The following CDON variants were observed in gnomAD, a reference collection of about 807,000 sequenced individuals.
CDON encodes the protein cell adhesion associated, oncogene regulated, also known as cell adhesion molecule-related/down-regulated by oncogenes.
CDON carries 73 observed loss-of-function variants against 120.9 expected under a neutral mutation model. That is an observed-to-expected ratio of 0.60 (90% confidence interval 0.50 to 0.73). The LOEUF (loss-of-function observed/expected upper bound fraction) is 0.73, where lower values mean the gene tolerates loss of function less well. Among genes scored for constraint, CDON ranks in the 30% least tolerant of loss-of-function variants. The pLI, the probability that CDON is intolerant of heterozygous loss-of-function variation, is 0.00. For synonymous variants in CDON, 566 were observed against 573.5 expected (o/e 0.99, Z 0.19); for missense variants, 1,470 against 1,587.3 (o/e 0.93, Z 1.26).
chr11:126,054,069 A>G (rs763896288), intron 1 of CDON, among the ~76,000 whole-genome samples: 25 of 152,332 alleles, frequency 1.6e-4, no homozygotes, highest in Non-Finnish European at 2.4e-4. Flanking sequence ...TTTATCCATT[A>G]AACATTCGTT....
chr11:126,060,649 T>G (rs1948775336), intron 1 of CDON, among the ~76,000 whole-genome samples: 1 of 152,170 alleles, frequency 6.6e-6, no homozygotes, highest in African/African-American at 2.4e-5. Context: ...TGAAGGCAGA[T>G]GGGCGAAGTG....
chr11:126,050,507 C>CAA (rs1181375478), intron 1 of CDON, among the ~76,000 whole-genome samples: 1 of 150,374 alleles, frequency 6.7e-6, no homozygotes, highest in Non-Finnish European at 1.5e-5. Context: ...CACACACACA[C>CAA]ACACACACAC....
chr11:126,035,741 A>G (rs1269829411), intron 1 of CDON, among the ~76,000 whole-genome samples: 1 of 152,206 alleles, frequency 6.6e-6, no homozygotes, highest in Non-Finnish European at 1.5e-5. Flanking sequence ...CCAGGCAGTT[A>G]AAACCAAAGT....
At chr11:126,061,317 C>T (rs992023294) in intron 1 of CDON, among the ~76,000 whole-genome samples, 1 of 152,158 alleles carries the variant, frequency 6.6e-6, no homozygotes, top group African/African-American at 2.4e-5. Flanking sequence ...GTATTTGGTG[C>T]TTCTCGGGTT....
intron 15 of CDON, among the ~76,000 whole-genome samples, chr11:125,984,351 T>C (rs1403022879): frequency 6.6e-6 from 1 of 152,262 alleles, no homozygotes; most frequent in East Asian, 1.9e-4. Flanking sequence ...AACTGCTATA[T>C]GATTATCTGC....
chr11:125,995,003 A>T lies in CDON; in HGVS notation c.2412T>A (p.Ser804Arg). ...AAGGACGAGATGCTGAACTCCGAAA[A>T]CTCTCACCATAATGGTTGATGGCAA... ...RVIAINHYGESFRSSASRPYQ... is the reference protein window; with the variant it reads ...RVIAINHYGERFRSSASRPYQ... Residue 804 changes from serine (S) to arginine (R), a missense_variant, in exon 13 of 20, where the codon AGT becomes AGA. By Grantham distance (110) the Ser-to-Arg change is moderately radical. Transcript: ENST00000531738. 1 of 1,614,048 alleles carries T rather than the reference A, an allele frequency of 6.2e-7. No individual in the cohort carries two copies. The highest frequency in any genetic ancestry group is 8.5e-7 in the Non-Finnish European group (1 of 1,180,002).
chr11:126,015,504 G>C lies in CDON; in HGVS notation c.935C>G (p.Ala312Gly), dbSNP rs150223422. ...ATCCTGTAGTCCTTTAGAAATGGAA[G>C]CATGTTCTGAAAATAAAACACACAA... ...VTYMVNVLEH[A>G]SISKGLQDQI... The change falls in exon 7 of 20, where the codon GCT (alanine) becomes GGT (glycine). Residue 312 changes from alanine to glycine, a missense_variant. Coordinates refer to ENST00000531738, the MANE Select transcript of CDON (RefSeq NM_001378964.1). 6.2e-7 allele frequency: 1 copy of C among 1,613,668 alleles called. No individual in the cohort carries two copies. The highest frequency in any genetic ancestry group is 8.5e-7 in the Non-Finnish European group (1 of 1,179,806).
intron 1 of CDON, among the ~76,000 whole-genome samples, chr11:126,038,360 AAG>A (rs1419614557): frequency 6.6e-6 from 1 of 152,162 alleles, no homozygotes; most frequent in Non-Finnish European, 1.5e-5. Context: ...ATCTTAAAAA[AAG>A]AATCTCAGGC....
At chr11:125,996,685 G>A (rs999771583) in intron 12 of CDON, among the ~76,000 whole-genome samples, 1 of 128,492 alleles carries the variant, frequency 7.8e-6, no homozygotes, top group African/African-American at 3.1e-5. Flanking sequence ...AGGCGACAGA[G>A]GGAGACTCCA....
intron 11 of CDON, among the ~76,000 whole-genome samples, chr11:126,001,363 A>C (rs1239911687): frequency 6.6e-6 from 1 of 151,674 alleles, no homozygotes; most frequent in East Asian, 1.9e-4. Flanking sequence ...AATTTTTTTG[A>C]ATTTTTAGTA....
chr11:126,015,029 T>G lies in CDON; in HGVS notation c.1198+212A>C, dbSNP rs1947419746. 5.1e-6 allele frequency: 3 copies of G among 583,154 alleles called. No homozygotes were observed. In the Admixed American group the frequency reaches 9.0e-5, roughly 18 times the overall value. The allele number at this position is 583,154 out of a possible 1,614,324, so 36.1% of individuals were successfully genotyped here. On this transcript the variant is annotated intron_variant, in intron 7 of 19. Coordinates refer to ENST00000531738, the MANE Select transcript of CDON (RefSeq NM_001378964.1). Reference sequence around the variant, plus strand: ...AAGTAGGCAGAATCTGTTGAAAATTTTTTAAAAACTTTTTTTAATGAGCTT... The same window carrying G: ...AAGTAGGCAGAATCTGTTGAAAATTGTTTAAAAACTTTTTTTAATGAGCTT...
chr11:125,998,198 A>G (rs1946843786), intron 11 of CDON, among the ~76,000 whole-genome samples: 1 of 152,210 alleles, frequency 6.6e-6, no homozygotes, highest in African/African-American at 2.4e-5. Flanking sequence ...CTCATCAGCC[A>G]TTGAAACCAT....
intron 1 of CDON, among the ~76,000 whole-genome samples, chr11:126,049,384 T>A (rs1303008662): frequency 1.3e-5 from 2 of 152,208 alleles, no homozygotes; most frequent in Admixed American, 1.3e-4. Context: ...GTTTTCCTTC[T>A]GTAGTATATA....
intron 4 of CDON, 124 bp downstream of exon 4, chr11:126,019,495 T>C: frequency 2.0e-6 from 2 of 1,011,764 alleles, no homozygotes; most frequent in Non-Finnish European, 3.1e-6. Flanking sequence ...ACCATTTGTT[T>C]TAGTCCTCTC....
intron 12 of CDON, among the ~76,000 whole-genome samples, chr11:125,995,825 A>C (rs932870207): frequency 6.6e-6 from 1 of 152,248 alleles, no homozygotes; most frequent in Non-Finnish European, 1.5e-5. Flanking sequence ...TATGCTGCGC[A>C]TGTTGCTTGT....
intron 5 of CDON, 70 bp from the exon 6 acceptor site, chr11:126,017,445 T>C (rs766927787): frequency 5.9e-5 from 85 of 1,432,412 alleles, no homozygotes; most frequent in Non-Finnish European, 6.9e-5. Flanking sequence ...AGCAAACCTG[T>C]GGGCATCACC....
At position 126,019,778 on chromosome 11, in the gene CDON, A is replaced by G. The variant is rs3740910; in HGVS notation, c.350-13T>C. The G allele has an allele frequency of 0.092, 148,120 of 1,601,770 alleles. 7,248 individuals are homozygous for G. The highest frequency in any genetic ancestry group is 0.14 in the Admixed American group (8,224 of 59,966). ...AAATCACCAAGAACTGAAATATATA[A>G]GGAAACAGATAAATAAATACATGCA... On this transcript the variant is annotated splice_polypyrimidine_tract_variant and intron_variant, in intron 3 of 19. Coordinates refer to ENST00000531738, the MANE Select transcript of CDON (RefSeq NM_001378964.1).
intron 18 of CDON, among the ~76,000 whole-genome samples, chr11:125,971,382 C>CTAAA (rs374833815): frequency 0.028 from 2,934 of 103,196 alleles, 91 homozygotes; most frequent in African/African-American, 0.079. Context: ...GACTCTGTCT[C>CTAAA]TAAATAAATA....
intron 1 of CDON, among the ~76,000 whole-genome samples, chr11:126,035,169 G>C (rs922578739): frequency 1.3e-5 from 2 of 151,870 alleles, no homozygotes; most frequent in African/African-American, 4.8e-5. Context: ...TTAATAACAA[G>C]GAAAAAATCC....
Sources: gnomAD v4.1 joint callset for allele counts (sites outside exome capture counted in the v4.1 genomes callset) on GRCh38, gnomAD v4.1.1 for gene constraint, MANE v1.5 for transcripts, NCBI Gene and HGNC (gene_info 2026-07-23, HGNC 2026-07-21) for gene names.